The following SLC19A3 variants were observed in gnomAD, a reference collection of about 807,000 sequenced individuals.
The protein encoded by SLC19A3 is thiamine transporter 2.
In SLC19A3, 31 loss-of-function variants were observed where a neutral mutation model predicts 40.2. The observed-to-expected ratio is 0.77, with a 90% CI of 0.58 to 1.04. SLC19A3 has a LOEUF of 1.04. Among genes scored for constraint, SLC19A3 ranks in the 50% least tolerant of loss-of-function variants. The pLI is 0.00. For synonymous variants in SLC19A3, 212 were observed against 227.5 expected, an observed-to-expected ratio of 0.93 and a Z score of 0.61; for missense variants, 592 against 596.7, an observed-to-expected ratio of 0.99 and a Z score of 0.08.
chr2:227,698,660 C>A (rs1695537711), intron 3 of SLC19A3, 76 bp downstream of exon 3: 1 of 1,293,514 alleles, frequency 7.7e-7, no homozygotes, highest in Non-Finnish European at 1.1e-6. Flanking sequence ...AATTCGCTGC[C>A]ATGAAGTTCG....
rs184943099 is a variant in SLC19A3 at position 227,703,200 on chromosome 2, T to C, written c.-2-880A>G. ...TTTATAAACACATTCACACTAAAGA[T>C]TATGGTTACATATATAGAGCTTTTA... is the stretch of plus-strand genomic sequence containing the variant. On this transcript the variant is annotated intron_variant, in intron 1 of 5. Coordinates refer to ENST00000644224, the MANE Select transcript of SLC19A3 (RefSeq NM_025243.4). This position sits in a 1 kb window ranked among gnomAD's most constrained non-coding sequence, Gnocchi z 4.7. 2.6e-4 allele frequency among the ~76,000 whole-genome samples: 40 copies of C among 152,350 alleles called. 1 individual carries two copies. The highest frequency in any genetic ancestry group is 2.3e-3 in the Admixed American group (35 of 15,298).
At chr2:227,699,748 T>G (rs1307994830) in intron 2 of SLC19A3, among the ~76,000 whole-genome samples, 184 bp from the exon 3 acceptor site, 1 of 152,210 alleles carries the variant, frequency 6.6e-6, no homozygotes. Flanking sequence ...TAAAAACCAA[T>G]GTACACACTT....
intron 2 of SLC19A3, among the ~76,000 whole-genome samples, chr2:227,700,547 A>G (rs573077472): frequency 3.9e-4 from 60 of 152,122 alleles, no homozygotes; most frequent in Non-Finnish European, 4.3e-4. Context: ...GAACAACAAC[A>G]ACAAAAAGAA....
intron 1 of SLC19A3, among the ~76,000 whole-genome samples, chr2:227,711,549 T>C (rs1316931174): frequency 1.3e-5 from 2 of 152,176 alleles, no homozygotes; most frequent in Non-Finnish European, 2.9e-5. Context: ...TGCATCTTAC[T>C]GATCACTGCC....
At position 227,684,127 on chromosome 2, in the gene SLC19A3, C is replaced by T. The variant is rs1694940544; in HGVS notation, c.*3270G>A. ...TTTGTCTTTTTAGAAAAGTTATACG[C>T]ATATATAAGCCAATACAGATATTTT... is the stretch of plus-strand genomic sequence containing the variant. On this transcript the variant is annotated 3_prime_UTR_variant, in exon 6 of 6. Coordinates refer to ENST00000644224, the MANE Select transcript of SLC19A3 (RefSeq NM_025243.4). The T allele has an allele frequency of 6.6e-6, 1 of 152,078 alleles. No homozygotes were observed. Among genetic ancestry groups the T allele is most frequent in the Non-Finnish European group, 1.5e-5 (1 of 68,008 alleles). The allele number at this position is 152,078 out of a possible 1,614,324, so 9.4% of individuals were successfully genotyped here. A position where few individuals can be genotyped will look rare whatever the true frequency, so the allele number is the denominator to read the frequency against.
chr2:227,694,576 T>C (rs7568497), intron 4 of SLC19A3, among the ~76,000 whole-genome samples: 1 of 152,190 alleles, frequency 6.6e-6, no homozygotes, highest in Admixed American at 6.5e-5. Flanking sequence ...TCATGCAATT[T>C]GAAATTCAAA....
At position 227,692,312 on chromosome 2, in the gene SLC19A3, C is replaced by G. The variant is rs537277095; in HGVS notation, c.1172+3577G>C. On this transcript the variant is annotated intron_variant, in intron 4 of 5. Coordinates refer to ENST00000644224, the MANE Select transcript of SLC19A3 (RefSeq NM_025243.4). Reference sequence around the variant, plus strand: ...TGATGCAAAAATTCTCAACAAAATACTAGCAAACTGAATTCAATAATACAT... The same window carrying G: ...TGATGCAAAAATTCTCAACAAAATAGTAGCAAACTGAATTCAATAATACAT... Among the ~76,000 whole-genome samples, 70 of 152,274 alleles carry G rather than the reference C, an allele frequency of 4.6e-4. 1 individual carries two copies. Among genetic ancestry groups the G allele is most frequent in the African/African-American group, 1.7e-3 (69 of 41,560 alleles).
chr2:227,716,958 T>A (rs1229312402), intron 1 of SLC19A3, among the ~76,000 whole-genome samples: 2 of 150,680 alleles, frequency 1.3e-5, no homozygotes, highest in Non-Finnish European at 3.0e-5. Flanking sequence ...GACACCAATG[T>A]TTCAATATTG....
At chr2:227,702,743 T>C (rs1005647624) in intron 1 of SLC19A3, 1 of 191,098 alleles carries the variant, frequency 5.2e-6, no homozygotes, top group Non-Finnish European at 1.1e-5. Flanking sequence ...GCAGCTATAT[T>C]TGAAAACATC....
intron 1 of SLC19A3, chr2:227,706,312 T>C (rs1451633101): frequency 1.6e-6 from 2 of 1,231,586 alleles, no homozygotes; most frequent in Non-Finnish European, 2.0e-6. Context: ...TCTGAGTTCA[T>C]ACCTGTGAAA....
rs7602410 is a variant in SLC19A3, at chr2:227,698,523, C to T, written c.979+213G>A. Reference sequence around the variant, plus strand: ...ACTGCATTAGCCAGGATGGTCTCGACCTCCTGAAATCGTGATCCACGCGTC... The same window carrying T: ...ACTGCATTAGCCAGGATGGTCTCGATCTCCTGAAATCGTGATCCACGCGTC... On this transcript the variant is annotated intron_variant, in intron 3 of 5. Coordinates refer to ENST00000644224, the MANE Select transcript of SLC19A3 (RefSeq NM_025243.4). Among the ~76,000 whole-genome samples, 90,455 of 151,758 alleles carry T rather than the reference C, an allele frequency of 0.6. 27,596 individuals are homozygous for T. The highest frequency in any genetic ancestry group is 0.68 in the African/African-American group (27,949 of 41,364).
At chr2:227,710,643 TC>T (rs1285105666) in intron 1 of SLC19A3, among the ~76,000 whole-genome samples, 1 of 152,120 alleles carries the variant, frequency 6.6e-6, no homozygotes, top group African/African-American at 2.4e-5. Context: ...GATCTTCAGC[TC>T]CTTCCCCCCC....
chr2:227,698,609 T>C (rs923886762), intron 3 of SLC19A3, 127 bp downstream of exon 3: 3 of 911,630 alleles, frequency 3.3e-6, no homozygotes, highest in Non-Finnish European at 5.4e-6. Flanking sequence ...GTGACTTTCA[T>C]TCTTGACTGA....
At chr2:227,693,725 A>G (rs368040296) in intron 4 of SLC19A3, among the ~76,000 whole-genome samples, 1 of 152,310 alleles carries the variant, frequency 6.6e-6, no homozygotes, top group East Asian at 1.9e-4. Flanking sequence ...ACCAAAGCAA[A>G]AATGGACAAA....
In SLC19A3 at chr2:227,698,732, T is replaced by C. The variant is rs778504868; in HGVS notation, c.979+4A>G. On this transcript the variant is annotated splice_donor_region_variant and intron_variant, in intron 3 of 5. Transcript: ENST00000644224. The stretch of plus-strand genomic sequence containing the variant: ...CAAAGGAAGATTAAGTGACATTTGC[T>C]TACCTCCAAAGGTTGCAATAGCTTC... 2 of 1,612,012 alleles carry C rather than the reference T, an allele frequency of 1.2e-6. No homozygotes were observed. The highest frequency in any genetic ancestry group is 1.1e-5 in the South Asian group (1 of 91,044).
At chr2:227,715,591 A>G (rs1026821421) in intron 1 of SLC19A3, among the ~76,000 whole-genome samples, 5 of 152,084 alleles carry the variant, frequency 3.3e-5, no homozygotes, top group Non-Finnish European at 7.4e-5. Context: ...TTTAATTTGC[A>G]TGAGGTGTTT....
intron 1 of SLC19A3, among the ~76,000 whole-genome samples, chr2:227,704,879 C>T (rs1695866199): frequency 1.3e-5 from 2 of 151,136 alleles, no homozygotes; most frequent in Non-Finnish European, 3.0e-5. Context: ...TTGCAAACAG[C>T]ATTATTATTA....
intron 1 of SLC19A3, among the ~76,000 whole-genome samples, chr2:227,707,663 A>C (rs1309592008): frequency 9.2e-6 from 1 of 108,596 alleles, no homozygotes; most frequent in Non-Finnish European, 2.2e-5. Context: ...TCATATTATG[A>C]AAAAAGCCAC....
chr2:227,710,346 A>C (rs747580812), intron 1 of SLC19A3, among the ~76,000 whole-genome samples: 1 of 152,164 alleles, frequency 6.6e-6, no homozygotes, highest in Non-Finnish European at 1.5e-5. Context: ...CACTTCTTTC[A>C]AACAGAAGAG....
Sources: gnomAD v4.1 joint callset for allele counts (sites outside exome capture counted in the v4.1 genomes callset) on GRCh38, gnomAD v4.1.1 for gene constraint, Gnocchi (gnomAD v3.1) non-coding constraint, MANE v1.5 for transcripts, NCBI Gene and HGNC (gene_info 2026-07-23, HGNC 2026-07-21) for gene names.